ERI1: variants seen among roughly 807,000 people sequenced by gnomAD.
ERI1 encodes the protein exoribonuclease 1.
In ERI1, 39 loss-of-function variants were observed where a neutral mutation model predicts 39.7. The observed-to-expected ratio is 0.98, with a 90% CI of 0.76 to 1.28. The LOEUF is 1.28. Ranked by LOEUF, ERI1 falls within the 50% of genes most tolerant of loss-of-function variation. ERI1 has a pLI of 0.00. For missense variants in ERI1, 581 were observed against 416.9 expected, an observed-to-expected ratio of 1.39 and a Z score of -3.43; for synonymous variants, 204 against 149.6, an observed-to-expected ratio of 1.36 and a Z score of -2.65.
At chr8:9,017,835 G>T (rs1817468096) in intron 4 of ERI1, among the ~76,000 whole-genome samples, 1 of 152,190 alleles carries the variant, frequency 6.6e-6, no homozygotes, top group African/African-American at 2.4e-5. Flanking sequence ...GTGGTTGGAG[G>T]ATTTAAGTAT....
At position 9,031,757 on chromosome 8, in the gene ERI1, T is replaced by TTTG. The variant is rs546325551; in HGVS notation, c.*1738_*1740dup. The TTTG allele has an allele frequency of 8.9e-4, 136 of 152,202 alleles. 1 individual carries two copies. The highest frequency in any genetic ancestry group is 2.9e-3 in the African/African-American group (120 of 41,514). 9.4% of individuals were successfully genotyped at this position (152,202 alleles called of 1,614,324 possible). On this transcript the variant is annotated 3_prime_UTR_variant, in exon 7 of 7. Coordinates refer to ENST00000250263, the MANE Select transcript of ERI1 (RefSeq NM_153332.4). ...ACATTATAAGCTCTCAGTACCCTAT[T>TTTG]TTGTTGTTGTTGTTGTTTGAGACAG...
chr8:9,010,113 TAGAG>T (rs752434041), intron 2 of ERI1, among the ~76,000 whole-genome samples: 19 of 152,276 alleles, frequency 1.2e-4, no homozygotes, highest in East Asian at 5.8e-4. Context: ...CAGAAAGAAT[TAGAG>T]AGAATCATAT....
At chr8:9,015,827 A>G (rs932936870) in intron 3 of ERI1, among the ~76,000 whole-genome samples, 27 of 152,044 alleles carry the variant, frequency 1.8e-4, no homozygotes, top group African/African-American at 6.3e-4. Context: ...TATATATCAT[A>G]CAGTTAAATT....
In ERI1 at chr8:9,095,747, C is replaced by CT. The variant is rs1311181462; in HGVS notation, n.300-20600dup. On this transcript the variant is annotated intron_variant and non_coding_transcript_variant, in intron 3 of 3. Coordinates refer to the ERI1 transcript ENST00000518663. ...TGTTGCCCACGCTGGCCTTGAACTCCTGGGCTCAAGACATCTGCTTGCCTT... is the reference window on the plus strand; with the variant it reads ...TGTTGCCCACGCTGGCCTTGAACTCCTTGGGCTCAAGACATCTGCTTGCCTT... Among the ~76,000 whole-genome samples, 34 of 152,106 alleles carry CT rather than the reference C, an allele frequency of 2.2e-4. 1 individual carries two copies. The highest frequency in any genetic ancestry group is 8.2e-4 in the African/African-American group (34 of 41,420).
chr8:9,014,608 G>A (rs1817033159), intron 3 of ERI1, among the ~76,000 whole-genome samples: 1 of 152,152 alleles, frequency 6.6e-6, no homozygotes, highest in Admixed American at 6.5e-5. Context: ...TCTGTTAAAA[G>A]TATTTAGTAG....
At chr8:9,005,735 C>T (rs541122245) in intron 1 of ERI1, among the ~76,000 whole-genome samples, 1 of 152,174 alleles carries the variant, frequency 6.6e-6, no homozygotes, top group African/African-American at 2.4e-5. Context: ...ACCTCGTTAT[C>T]CGCCCGCCTC....
At chr8:9,053,906 T>C (rs1371845609) in intron 3 of ERI1, among the ~76,000 whole-genome samples, 1 of 152,230 alleles carries the variant, frequency 6.6e-6, no homozygotes, top group Non-Finnish European at 1.5e-5. Context: ...GAGTATAGTA[T>C]TCTCTTTCTC....
rs1013775814 is a variant in ERI1 at position 9,042,977 on chromosome 8, T to C, written n.299+22513T>C. ...ACATGCTCTGCAGTCTGCAAGGATC[T>C]GGAGAAGAAAGGTGTGGCTGCACTT... is the stretch of plus-strand genomic sequence containing the variant. On this transcript the variant is annotated intron_variant and non_coding_transcript_variant, in intron 3 of 3. Transcript: ENST00000518663. Among the ~76,000 whole-genome samples, 4 of 152,328 alleles carry C rather than the reference T, an allele frequency of 2.6e-5. No individual in the cohort carries two copies. The South Asian group carries it at 8.3e-4, about 32-fold the overall frequency.
chr8:9,022,111 T>G (rs1381791702), intron 6 of ERI1, among the ~76,000 whole-genome samples: 1 of 152,176 alleles, frequency 6.6e-6, no homozygotes, highest in Non-Finnish European at 1.5e-5. Context: ...TGCACTCTTA[T>G]CAGTGCTATG....
chr8:9,011,441 C>T (rs1187153781), intron 2 of ERI1, 101 bp from the exon 3 acceptor site: 7 of 624,012 alleles, frequency 1.1e-5, no homozygotes, highest in African/African-American at 3.7e-5. Flanking sequence ...TGCTAAATTT[C>T]GCTGTGATTG....
chr8:9,037,995 C>T (rs1437852008), downstream of ERI1, among the ~76,000 whole-genome samples: 1 of 151,366 alleles, frequency 6.6e-6, no homozygotes. Context: ...CTTTTTTGCA[C>T]AAGTACTCCC....
intron 3 of ERI1, among the ~76,000 whole-genome samples, chr8:9,042,896 C>T (rs1485907554): frequency 6.6e-6 from 1 of 152,238 alleles, no homozygotes; most frequent in Non-Finnish European, 1.5e-5. Context: ...ACACGTGCAC[C>T]TGCTTCAGTC....
intron 1 of ERI1, 48 bp from the exon 2 acceptor site, chr8:9,007,922 T>C: frequency 1.3e-6 from 2 of 1,544,808 alleles, no homozygotes; most frequent in African/African-American, 1.4e-5. Flanking sequence ...TTGTACTAAT[T>C]ATAAACTACA....
At chr8:9,069,562 T>C (rs1178023319) in intron 3 of ERI1, among the ~76,000 whole-genome samples, 1 of 152,202 alleles carries the variant, frequency 6.6e-6, no homozygotes, top group African/African-American at 2.4e-5. Context: ...CAGAATGATT[T>C]CTTTTGCTCA....
At chr8:9,006,160 C>G (rs746570966) in intron 1 of ERI1, among the ~76,000 whole-genome samples, 4 of 152,168 alleles carry the variant, frequency 2.6e-5, no homozygotes, top group African/African-American at 7.2e-5. Context: ...TCTTTCTGCT[C>G]CTTGGCAGAT....
chr8:9,099,257 T>A (rs1441311745), intron 3 of ERI1, among the ~76,000 whole-genome samples: 2 of 152,062 alleles, frequency 1.3e-5, no homozygotes, highest in African/African-American at 4.8e-5. Flanking sequence ...CAAGTAAGAT[T>A]TGAACTCCAA....
chr8:9,032,760 A>G lies in ERI1; in HGVS notation c.*2726A>G, dbSNP rs186837528. The G allele has an allele frequency of 2.0e-5, 3 of 152,342 alleles. No homozygotes were observed. Among genetic ancestry groups the G allele is most frequent in the Admixed American group, 1.3e-4 (2 of 15,308 alleles). 9.4% of individuals were successfully genotyped at this position (152,342 alleles called of 1,614,324 possible). A position where few individuals can be genotyped will look rare whatever the true frequency, so the allele number is the denominator to read the frequency against. ...GGAGACCAGGAGAAAAACTGGTATGATTACTGGGGAGGGGAAGAAGCACAG... is the reference window on the plus strand; with the variant it reads ...GGAGACCAGGAGAAAAACTGGTATGGTTACTGGGGAGGGGAAGAAGCACAG... On this transcript the variant is annotated 3_prime_UTR_variant, in exon 7 of 7. Coordinates refer to ENST00000250263, the MANE Select transcript of ERI1 (RefSeq NM_153332.4).
rs112509797 is a variant in ERI1, at chr8:9,009,342, G to A, written c.287+1194G>A. 8.5e-3 allele frequency among the ~76,000 whole-genome samples: 1,285 copies of A among 152,050 alleles called. 30 individuals are homozygous for A. The South Asian group carries it at 0.092, about 11-fold the overall frequency. Reference sequence around the variant, plus strand: ...AGGTACAGCATGAGAATACAGAGGAGAATATTTCTCAGGAATTCAGAAAGA... The same window carrying A: ...AGGTACAGCATGAGAATACAGAGGAAAATATTTCTCAGGAATTCAGAAAGA... On this transcript the variant is annotated intron_variant, in intron 2 of 6. Coordinates refer to ENST00000250263, the MANE Select transcript of ERI1 (RefSeq NM_153332.4).
chr8:9,023,954 A>T (rs977001940), intron 6 of ERI1, among the ~76,000 whole-genome samples: 1 of 151,844 alleles, frequency 6.6e-6, no homozygotes, highest in Non-Finnish European at 1.5e-5. Context: ...ATGTGCCACC[A>T]CGTCTGGCTG....
Sources: gnomAD v4.1 joint callset for allele counts (sites outside exome capture counted in the v4.1 genomes callset) on GRCh38, gnomAD v4.1.1 for gene constraint, MANE v1.5 for transcripts, NCBI Gene and HGNC (gene_info 2026-07-23, HGNC 2026-07-21) for gene names.